SIPA1L3: variants seen among roughly 807,000 people sequenced by gnomAD.
The protein encoded by SIPA1L3 is signal induced proliferation associated 1 like 3, also known as signal-induced proliferation-associated 1-like protein 3.
SIPA1L3 carries 59 observed loss-of-function variants against 150.1 expected under a neutral mutation model. The observed-to-expected ratio is 0.39, with a 90% CI of 0.32 to 0.49. The LOEUF (loss-of-function observed/expected upper bound fraction) is 0.49, where lower values mean the gene tolerates loss of function less well. SIPA1L3 is among the 20% of genes least tolerant of loss of function. SIPA1L3 has a pLI of 0.86. For missense variants in SIPA1L3, 2,211 were observed against 2,489.5 expected (o/e 0.89, Z 2.38); for synonymous variants, 1,070 against 1,077.6 (o/e 0.99, Z 0.14).
At chr19:37,937,094 C>T (rs2046607178) in intron 1 of SIPA1L3, among the ~76,000 whole-genome samples, 1 of 152,136 alleles carries the variant, frequency 6.6e-6, no homozygotes, top group African/African-American at 2.4e-5. Flanking sequence ...GACTCCTGGG[C>T]TCAAGTGATC....
chr19:38,204,492 C>T (rs1422677694), intron 21 of SIPA1L3, among the ~76,000 whole-genome samples: 7 of 152,194 alleles, frequency 4.6e-5, no homozygotes, highest in African/African-American at 1.2e-4. Context: ...TGGCTGGGCG[C>T]GGTGGCTCAT....
At chr19:38,134,427 A>T (rs1162454238) in intron 10 of SIPA1L3, among the ~76,000 whole-genome samples, 1 of 117,176 alleles carries the variant, frequency 8.5e-6, no homozygotes, top group Non-Finnish European at 1.7e-5. Flanking sequence ...AAAAAAAAAA[A>T]GCCAGGCTTG....
chr19:38,201,655 G>T (rs896007201), intron 19 of SIPA1L3, among the ~76,000 whole-genome samples: 1 of 152,194 alleles, frequency 6.6e-6, no homozygotes, highest in African/African-American at 2.4e-5. Flanking sequence ...AGCCTCGATC[G>T]GAATCAGGAT....
chr19:38,130,257 A>C (rs1275042313), intron 9 of SIPA1L3, among the ~76,000 whole-genome samples: 1 of 152,190 alleles, frequency 6.6e-6, no homozygotes, highest in Non-Finnish European at 1.5e-5. Flanking sequence ...CATGACTGCC[A>C]TGGTCTCTGC....
At chr19:37,943,869 G>C (rs1415619926) in intron 1 of SIPA1L3, among the ~76,000 whole-genome samples, 1 of 152,078 alleles carries the variant, frequency 6.6e-6, no homozygotes, top group Non-Finnish European at 1.5e-5. Flanking sequence ...TTGCGTTTAG[G>C]CCTCTTGACA....
chr19:38,159,504 C>T (rs1156774274), intron 13 of SIPA1L3, among the ~76,000 whole-genome samples: 3 of 152,218 alleles, frequency 2.0e-5, no homozygotes, highest in East Asian at 1.9e-4. Flanking sequence ...GAGATAATGC[C>T]GGCCAAGCCC....
intron 3 of SIPA1L3, among the ~76,000 whole-genome samples, chr19:38,083,550 A>G (rs2145827738): frequency 6.6e-6 from 1 of 152,060 alleles, no homozygotes; most frequent in South Asian, 2.1e-4. Flanking sequence ...AGCAGGGAAG[A>G]AGGAAATGGA....
At chr19:37,951,845 C>T (rs536597408) in intron 1 of SIPA1L3, among the ~76,000 whole-genome samples, 269 of 137,676 alleles carry the variant, frequency 2.0e-3, no homozygotes, top group Middle Eastern at 4.3e-3. Flanking sequence ...TGCAGTGAGC[C>T]GAGATCACAC....
intron 15 of SIPA1L3, among the ~76,000 whole-genome samples, chr19:38,175,301 G>T (rs1429625369): frequency 6.6e-6 from 1 of 152,054 alleles, no homozygotes; most frequent in Non-Finnish European, 1.5e-5. Context: ...CCTCCTGGAG[G>T]CAGGGACCAC....
At chr19:38,148,909 CA>C (rs1971759871) in intron 12 of SIPA1L3, among the ~76,000 whole-genome samples, 1 of 152,164 alleles carries the variant, frequency 6.6e-6, no homozygotes, top group African/African-American at 2.4e-5. Flanking sequence ...AGGTTAAAGA[CA>C]GCAATTTGAT....
At chr19:38,124,126 G>A (rs182522360) in intron 9 of SIPA1L3, among the ~76,000 whole-genome samples, 21,983 of 148,898 alleles carry the variant, frequency 0.15, 1,577 homozygotes, top group African/African-American at 0.18. Context: ...CCTCCCGGAC[G>A]GGGTGGCTGC....
intron 2 of SIPA1L3, among the ~76,000 whole-genome samples, chr19:38,038,707 T>G (rs1437791748): frequency 6.6e-6 from 1 of 152,216 alleles, no homozygotes; most frequent in Non-Finnish European, 1.5e-5. Flanking sequence ...GAACATCTTC[T>G]ACAGTGTAAT....
intron 1 of SIPA1L3, among the ~76,000 whole-genome samples, chr19:37,923,229 G>A (rs968170729): frequency 1.3e-5 from 2 of 152,180 alleles, no homozygotes; most frequent in Non-Finnish European, 2.9e-5. Context: ...CTAGGAAGCA[G>A]TCACGCATGG....
intron 1 of SIPA1L3, among the ~76,000 whole-genome samples, chr19:37,974,891 T>C (rs879282926): frequency 2.6e-5 from 4 of 152,158 alleles, no homozygotes; most frequent in South Asian, 2.1e-4. Flanking sequence ...GGGTAGTTAA[T>C]TTGTGGCCAG....
At chr19:38,051,021 T>C (rs1969185613) in intron 2 of SIPA1L3, among the ~76,000 whole-genome samples, 1 of 152,206 alleles carries the variant, frequency 6.6e-6, no homozygotes, top group Non-Finnish European at 1.5e-5. Context: ...ATCATGCCAC[T>C]GCACTCCAGC....
intron 1 of SIPA1L3, among the ~76,000 whole-genome samples, chr19:37,940,483 T>G (rs923065184): frequency 6.6e-6 from 1 of 152,180 alleles, no homozygotes; most frequent in African/African-American, 2.4e-5. Flanking sequence ...TAATTAACAT[T>G]AATTGCTTAC....
At chr19:37,969,565 C>G (rs1367682304) in intron 1 of SIPA1L3, among the ~76,000 whole-genome samples, 1 of 151,966 alleles carries the variant, frequency 6.6e-6, no homozygotes, top group African/African-American at 2.4e-5. Context: ...AAAAAAATAA[C>G]ACAAATAAAT....
chr19:37,980,931 A>G (rs150286095), intron 1 of SIPA1L3, among the ~76,000 whole-genome samples: 1 of 152,180 alleles, frequency 6.6e-6, no homozygotes, highest in African/African-American at 2.4e-5. Flanking sequence ...CTTTCTAGTC[A>G]TGAGACACGG....
At chr19:38,141,513 C>T in intron 11 of SIPA1L3, 78 bp downstream of exon 11, 1 of 1,421,928 alleles carries the variant, frequency 7.0e-7, no homozygotes, top group Non-Finnish European at 9.6e-7. Flanking sequence ...CCTCTCCTCA[C>T]TATTTCCTCC....
Sources: allele counts gnomAD v4.1 joint callset (sites outside exome capture counted in the v4.1 genomes callset), GRCh38; gene constraint gnomAD v4.1.1; transcripts MANE v1.5; gene names NCBI Gene and HGNC (gene_info 2026-07-23, HGNC 2026-07-21).